Variants in ABCA5 observed in about 807,000 individuals in gnomAD.
ABCA5 encodes cholesterol transporter ABCA5.
ABCA5 carries 163 observed loss-of-function variants against 206.0 expected under a neutral mutation model. The observed-to-expected ratio is 0.79, with a 90% CI of 0.70 to 0.90. The LOEUF is 0.90. Among genes scored for constraint, ABCA5 ranks in the 40% least tolerant of loss-of-function variants. The pLI is 0.00. For synonymous variants in ABCA5, 609 were observed against 613.8 expected (o/e 0.99, Z 0.11); for missense variants, 1,859 against 1,912.9 (o/e 0.97, Z 0.53).
chr17:69,287,606 A>G lies in ABCA5; in HGVS notation c.2041+7T>C, dbSNP rs1272289979. 1 of 1,606,924 alleles carries G rather than the reference A, an allele frequency of 6.2e-7. No individual in the cohort carries two copies. The highest frequency in any genetic ancestry group is 1.7e-5 in the Admixed American group (1 of 58,982). On this transcript the variant is annotated splice_region_variant and intron_variant, in intron 15 of 38. Transcript: ENST00000392676. ...CTCAGCCTTCGAAAATAAAACAAAA[A>G]TCTCACCTGCAAGAATGTCAGCTTC...
intron 30 of ABCA5, 42 bp downstream of exon 30, chr17:69,255,691 A>C: frequency 6.3e-7 from 1 of 1,575,548 alleles, no homozygotes; most frequent in Non-Finnish European, 8.6e-7. Context: ...AGTAGAAATT[A>C]CTCTTCTAGA....
At chr17:69,268,358 C>A (rs1490448958) in intron 22 of ABCA5, among the ~76,000 whole-genome samples, 3 of 152,040 alleles carry the variant, frequency 2.0e-5, no homozygotes, top group African/African-American at 7.2e-5. Context: ...TTCACAATTT[C>A]ATAAAAATGA....
chr17:69,275,653 T>C (rs2075323504), intron 19 of ABCA5, among the ~76,000 whole-genome samples: 1 of 152,208 alleles, frequency 6.6e-6, no homozygotes, highest in African/African-American at 2.4e-5. Context: ...CTCTTTAATA[T>C]AGGGAATATA....
intron 15 of ABCA5, 128 bp downstream of exon 15, chr17:69,287,485 T>A (rs1238552880): frequency 7.7e-7 from 1 of 1,295,686 alleles, no homozygotes; most frequent in African/African-American, 1.5e-5. Context: ...TTTTTAGAAC[T>A]TTTTTTGTGA....
At position 69,255,722 on chromosome 17, in the gene ABCA5, T is replaced by A; in HGVS notation, c.3976+11A>T. 1 of 1,580,820 alleles carries A rather than the reference T, an allele frequency of 6.3e-7. No homozygotes were observed. The highest frequency in any genetic ancestry group is 1.4e-5 in the African/African-American group (1 of 72,576). ...CTAGAAAAGTTATGTAAGGAAAAAT[T>A]AAATACCAGCCTTTTTTCACACAGA... On this transcript the variant is annotated intron_variant, in intron 30 of 38. Coordinates refer to ENST00000392676, the MANE Select transcript of ABCA5 (RefSeq NM_172232.4).
chr17:69,269,140 T>G (rs149341415), intron 22 of ABCA5, among the ~76,000 whole-genome samples: 2 of 152,308 alleles, frequency 1.3e-5, no homozygotes, highest in East Asian at 3.9e-4. Context: ...ATGTCAGTGT[T>G]GTTGAAAATT....
intron 23 of ABCA5, among the ~76,000 whole-genome samples, chr17:69,266,593 A>T (rs147819003): frequency 0.016 from 2,330 of 147,428 alleles, 50 homozygotes; most frequent in African/African-American, 0.054. Flanking sequence ...TATAAATAAA[A>T]AAATTAAAAA....
intron 38 of ABCA5, 89 bp downstream of exon 38, chr17:69,248,173 T>C (rs2074972555): frequency 5.4e-6 from 4 of 733,960 alleles, no homozygotes; most frequent in Middle Eastern, 7.8e-4. Flanking sequence ...TGGTTTACGA[T>C]ATCTCTCCCT....
rs1159661741 is a variant in ABCA5 at position 69,255,628 on chromosome 17, A to G, written c.3983T>C (p.Ile1328Thr). The change falls in exon 31 of 39, where the codon ATC becomes ACC. Residue 1328 changes from isoleucine to threonine, a missense_variant. By Grantham distance (89) the Ile-to-Thr change is moderately conservative. Transcript: ENST00000392676. ...YISFCVKKGE[I>T]LGLLGPNGAG... is the part of the protein sequence containing the mutation. The stretch of plus-strand genomic sequence containing the variant: ...ACCATTTGGACCCAATAGTCCTAAG[A>G]TCTCTCCTAAAGGAATTGAAAGAAA... The G allele has an allele frequency of 6.3e-7, 1 of 1,579,696 alleles. No homozygotes were observed. The highest frequency in any genetic ancestry group is 8.5e-7 in the Non-Finnish European group (1 of 1,170,558).
chr17:69,293,847 TGTGTGTGTGTGTGTGTGTGTGTGTGC>T (rs1459870787), intron 11 of ABCA5, among the ~76,000 whole-genome samples: 15 of 104,134 alleles, frequency 1.4e-4, no homozygotes, highest in African/African-American at 4.1e-4. Flanking sequence ...TGTGTGTGTG[TGTGTGTGTGTGTGTGTGTGTGTGTGC>T]GTGTGTGTGT....
rs947975322 is a variant in ABCA5 at position 69,308,187 on chromosome 17, G to C, written c.558+93C>G. The C allele has an allele frequency of 4.9e-6, 3 of 614,640 alleles. No homozygotes were observed. The African/African-American group carries it at 5.6e-5, about 11-fold the overall frequency. 38.1% of individuals were successfully genotyped at this position (614,640 alleles called of 1,614,324 possible). A position where few individuals can be genotyped will look rare whatever the true frequency, so the allele number is the denominator to read the frequency against. ...AGTAGGTTACATATTTTGTACATTT[G>C]ACAGTAGTCAAACCAAATACTATTG... On this transcript the variant is annotated intron_variant, in intron 5 of 38. Coordinates refer to ENST00000392676, the MANE Select transcript of ABCA5 (RefSeq NM_172232.4).
intron 11 of ABCA5, among the ~76,000 whole-genome samples, chr17:69,293,873 CGTGT>C (rs34432447): frequency 3.7e-5 from 3 of 81,132 alleles, no homozygotes; most frequent in African/African-American, 1.7e-4. Context: ...TGTGTGTGTG[CGTGT>C]GTGTGTGTTT....
At chr17:69,289,117 C>A in intron 14 of ABCA5, 60 bp downstream of exon 14, 2 of 1,522,848 alleles carry the variant, frequency 1.3e-6, no homozygotes, top group South Asian at 2.6e-5. Context: ...TTTCTACAAC[C>A]TGCTTTTTAA....
rs201254374 is a variant in ABCA5, at chr17:69,251,732, T to A, written c.4535+15A>T. 29 of 1,606,306 alleles carry A rather than the reference T, an allele frequency of 1.8e-5. No homozygotes were observed. In the East Asian group the frequency reaches 6.3e-4, roughly 35 times the overall value. On this transcript the variant is annotated intron_variant, in intron 35 of 38. Coordinates refer to ENST00000392676, the MANE Select transcript of ABCA5 (RefSeq NM_172232.4). Reference sequence around the variant, plus strand: ...CAACCTCTTCCCCTGAATGGCACGCTATTTAGACATCAACCTTAACTGCCC... The same window carrying A: ...CAACCTCTTCCCCTGAATGGCACGCAATTTAGACATCAACCTTAACTGCCC...
chr17:69,250,765 C>A, intron 35 of ABCA5, 144 bp from the exon 36 acceptor site: 1 of 479,952 alleles, frequency 2.1e-6, no homozygotes, highest in Non-Finnish European at 3.4e-6. Context: ...CCCATACACT[C>A]TTTATCCGGT....
intron 6 of ABCA5, among the ~76,000 whole-genome samples, chr17:69,305,090 T>G (rs2075702974): frequency 6.6e-6 from 1 of 152,188 alleles, no homozygotes; most frequent in Admixed American, 6.5e-5. Context: ...AATTTAAATC[T>G]AATATTCTCA....
In ABCA5 at chr17:69,246,596, A is replaced by G. The variant is rs1454432246; in HGVS notation, c.*941T>C. 6.6e-6 allele frequency: 1 copy of G among 151,972 alleles called. No individual in the cohort carries two copies. The highest frequency in any genetic ancestry group is 2.4e-5 in the African/African-American group (1 of 41,446). 9.4% of individuals were successfully genotyped at this position (151,972 alleles called of 1,614,324 possible). A position where few individuals can be genotyped will look rare whatever the true frequency, so the allele number is the denominator to read the frequency against. On this transcript the variant is annotated 3_prime_UTR_variant, in exon 39 of 39. Transcript: ENST00000392676. Reference sequence around the variant, plus strand: ...AGTTACTAAATAAATCTACACACTGATCTACTTACAATTTTATAGAAGAGA... The same window carrying G: ...AGTTACTAAATAAATCTACACACTGGTCTACTTACAATTTTATAGAAGAGA...
chr17:69,304,672 T>G lies in ABCA5; in HGVS notation c.927A>C (p.Ser309=). 1.3e-6 allele frequency: 2 copies of G among 1,578,726 alleles called. No individual in the cohort carries two copies. Among genetic ancestry groups the G allele is most frequent in the Non-Finnish European group, 1.7e-6 (2 of 1,164,008 alleles). ...IFLLFFLYGL[S]SVFFALMLTP... ...TATCACAAGTTAAAATACTTACAGATGATAATCCATAAAGGAAAAAAAGCA... is the reference window on the plus strand; with the variant it reads ...TATCACAAGTTAAAATACTTACAGAGGATAATCCATAAAGGAAAAAAAGCA... The change falls in exon 7 of 39, where the codon TCA becomes TCC. Residue 309 remains serine (S), a synonymous_variant. Transcript: ENST00000392676.
intron 6 of ABCA5, among the ~76,000 whole-genome samples, chr17:69,306,088 G>A (rs2075714354): frequency 6.6e-6 from 1 of 152,068 alleles, no homozygotes; most frequent in South Asian, 2.1e-4. Context: ...AGTGAAAAGA[G>A]TAAGGAAACT....
Sources: gnomAD v4.1 joint callset for allele counts (sites outside exome capture counted in the v4.1 genomes callset) on GRCh38, gnomAD v4.1.1 for gene constraint, MANE v1.5 for transcripts, NCBI Gene and HGNC (gene_info 2026-07-23, HGNC 2026-07-21) for gene names.